The following EML2 variants were observed in gnomAD, a reference collection of about 807,000 sequenced individuals.
EML2 encodes EMAP like 2.
EML2 carries 59 observed loss-of-function variants against 84.7 expected under a neutral mutation model. The ratio of observed to expected loss-of-function variants is 0.70; its 90% confidence interval spans 0.56 to 0.86. The LOEUF (loss-of-function observed/expected upper bound fraction) is 0.86, where lower values mean the gene tolerates loss of function less well. EML2 is among the 40% of genes least tolerant of loss of function. The pLI is 0.00. For synonymous variants in EML2, 352 were observed against 348.9 expected (o/e 1.01, Z -0.10); for missense variants, 818 against 855.6 (o/e 0.96, Z 0.55).
At chr19:45,614,395 GC>G (rs1970803854) in intron 17 of EML2, among the ~76,000 whole-genome samples, 1 of 147,662 alleles carries the variant, frequency 6.8e-6, no homozygotes, top group South Asian at 2.2e-4. Context: ...ATCTCTCCTG[GC>G]CAGTTACCAC....
upstream of EML2, chr19:45,645,489 GGC>G: frequency 7.2e-7 from 1 of 1,389,772 alleles, no homozygotes. Flanking sequence ...CGCCGGGCCC[GGC>G]GCTGGGGTCA....
upstream of EML2, chr19:45,642,216 T>C (rs1464170645): frequency 2.0e-6 from 3 of 1,535,388 alleles, no homozygotes; most frequent in Middle Eastern, 1.7e-4. Context: ...GTTCTTCGCA[T>C]GCCCGCAGGC....
intron 17 of EML2, 127 bp from the exon 18 acceptor site, chr19:45,613,798 T>A (rs1970741823): frequency 2.5e-6 from 3 of 1,180,944 alleles, no homozygotes; most frequent in African/African-American, 3.1e-5. Flanking sequence ...AGGATATGAG[T>A]CAGAATTACC....
At chr19:45,635,793 T>C (rs1402140618) in intron 3 of EML2, among the ~76,000 whole-genome samples, 1 of 151,554 alleles carries the variant, frequency 6.6e-6, no homozygotes, top group Non-Finnish European at 1.5e-5. Context: ...GGTTTCTCCA[T>C]GTTGGTCACG....
chr19:45,630,074 A>G, intron 6 of EML2, 28 bp from the exon 7 acceptor site: 1 of 1,568,210 alleles, frequency 6.4e-7, no homozygotes, highest in Non-Finnish European at 8.8e-7. Context: ...GGAGGGGGAC[A>G]GAGGCAAGGG....
intron 6 of EML2, among the ~76,000 whole-genome samples, chr19:45,632,054 C>G (rs993391264): frequency 6.7e-6 from 1 of 149,078 alleles, no homozygotes; most frequent in Non-Finnish European, 1.5e-5. Flanking sequence ...TCCGCCATGC[C>G]CAGCTAATTT....
intron 9 of EML2, among the ~76,000 whole-genome samples, chr19:45,624,268 C>T (rs1043600414): frequency 1.3e-5 from 2 of 152,160 alleles, no homozygotes; most frequent in Non-Finnish European, 2.9e-5. Flanking sequence ...GTTCCTTTAC[C>T]CAGTCACTCT....
chr19:45,610,815 G>A (rs1049808889), intron 18 of EML2, among the ~76,000 whole-genome samples: 3 of 152,140 alleles, frequency 2.0e-5, no homozygotes, highest in Non-Finnish European at 2.9e-5. Flanking sequence ...ACTCCAGCCC[G>A]GGCGATAGAG....
intron 17 of EML2, among the ~76,000 whole-genome samples, chr19:45,614,252 G>C (rs1019296124): frequency 6.6e-6 from 1 of 151,926 alleles, no homozygotes; most frequent in South Asian, 2.1e-4. Flanking sequence ...CCACTGGACT[G>C]AGAGCCACAG....
chr19:45,625,841 A>C (rs1454130674), intron 8 of EML2, among the ~76,000 whole-genome samples: 1 of 151,990 alleles, frequency 6.6e-6, no homozygotes, highest in Non-Finnish European at 1.5e-5. Context: ...ATTATCCATC[A>C]TATCGACAAC....
chr19:45,640,997 G>T (rs1974420848), upstream of EML2: 1 of 152,744 alleles, frequency 6.5e-6, no homozygotes, highest in Admixed American at 6.5e-5. Context: ...GGCCCGCCAG[G>T]CATTCTGATT....
upstream of EML2, chr19:45,644,828 A>G: frequency 2.2e-6 from 1 of 456,424 alleles, no homozygotes; most frequent in Non-Finnish European, 4.4e-6. Flanking sequence ...CTAGAAGCAA[A>G]GTCCTCTGGC....
intron 9 of EML2, 21 bp downstream of exon 9, chr19:45,624,698 A>G: frequency 1.9e-6 from 3 of 1,596,832 alleles, no homozygotes; most frequent in South Asian, 1.1e-5. Context: ...TTGGGAACCA[A>G]ACAGATGGGG....
chr19:45,626,949 C>T (rs1972418224), intron 7 of EML2, 110 bp from the exon 8 acceptor site: 2 of 959,480 alleles, frequency 2.1e-6, no homozygotes, highest in Non-Finnish European at 2.8e-6. Context: ...ATGCTGCACA[C>T]CTGAACTTTT....
upstream of EML2, among the ~76,000 whole-genome samples, chr19:45,644,137 C>A (rs1974851234): frequency 6.6e-6 from 1 of 152,222 alleles, no homozygotes; most frequent in Non-Finnish European, 1.5e-5. Context: ...AAACATTTAG[C>A]ACGTTCCCGG....
At chr19:45,609,887 C>CTTTT in intron 18 of EML2, 99 bp from the exon 19 acceptor site, 9 of 1,085,760 alleles carry the variant, frequency 8.3e-6, no homozygotes, top group Non-Finnish European at 9.9e-6. Context: ...TGCTCTTCCT[C>CTTTT]TTTTTTTTTT....
chr19:45,616,218 G>A (rs1369292093), intron 15 of EML2: 3 of 555,254 alleles, frequency 5.4e-6, no homozygotes, highest in Admixed American at 6.2e-5. Context: ...CGTGAGGGGC[G>A]GTCTCGGAAC....
chr19:45,626,261 C>G lies in EML2; in HGVS notation c.741+444G>C, dbSNP rs573075377. On this transcript the variant is annotated intron_variant, in intron 8 of 18. Transcript: ENST00000245925. ...TCCTGGGCTCAAGGGATCCTCCCCC[C>G]TCAGCCTCCCAAAATGCTGGGATTA... is the stretch of plus-strand genomic sequence containing the variant. Among the ~76,000 whole-genome samples, 15 of 152,248 alleles carry G rather than the reference C, an allele frequency of 9.9e-5. No individual in the cohort carries two copies. In the East Asian group the frequency reaches 2.5e-3, roughly 25 times the overall value.
At chr19:45,622,518 C>T (rs748950175) in intron 9 of EML2, among the ~76,000 whole-genome samples, 12 of 152,146 alleles carry the variant, frequency 7.9e-5, no homozygotes, top group Non-Finnish European at 1.8e-4. Context: ...GCAACCTCTG[C>T]CTCCTGGGTT....
Sources: gnomAD v4.1 joint callset for allele counts (sites outside exome capture counted in the v4.1 genomes callset) on GRCh38, gnomAD v4.1.1 for gene constraint, MANE v1.5 for transcripts, NCBI Gene and HGNC (gene_info 2026-07-23, HGNC 2026-07-21) for gene names.